The following FRMD5 variants were observed in gnomAD, a reference collection of about 807,000 sequenced individuals.
The protein encoded by FRMD5 is FERM domain-containing protein 5.
A neutral mutation model predicts 69.0 loss-of-function variants in FRMD5; 20 were observed. The observed-to-expected ratio is 0.29, with a 90% CI of 0.20 to 0.42. FRMD5 has a LOEUF of 0.42. FRMD5 is among the 10% of genes least tolerant of loss of function. The pLI, the probability that FRMD5 is intolerant of heterozygous loss-of-function variation, is 1.00. For synonymous variants in FRMD5, 271 were observed against 260.1 expected, an observed-to-expected ratio of 1.04 and a Z score of -0.40; for missense variants, 595 against 708.6, an observed-to-expected ratio of 0.84 and a Z score of 1.82.
chr15:44,001,253 ATTTG>A (rs1286996893), intron 1 of FRMD5, among the ~76,000 whole-genome samples: 4 of 151,842 alleles, frequency 2.6e-5, no homozygotes, highest in African/African-American at 9.7e-5. Context: ...AAATCATGTT[ATTTG>A]TTTTTCTGTT....
At chr15:43,935,516 G>A (rs2089745185) in intron 1 of FRMD5, among the ~76,000 whole-genome samples, 1 of 152,060 alleles carries the variant, frequency 6.6e-6, no homozygotes, top group Non-Finnish European at 1.5e-5. Context: ...AATAATTCTT[G>A]GGCTTGGAAA....
intron 1 of FRMD5, among the ~76,000 whole-genome samples, chr15:43,960,120 G>A (rs998240764): frequency 1.3e-5 from 2 of 151,430 alleles, no homozygotes; most frequent in East Asian, 3.9e-4. Context: ...ACGGAGTCTC[G>A]CTCTGTCGCC....
chr15:43,911,756 C>G (rs1455099989), intron 4 of FRMD5, among the ~76,000 whole-genome samples: 1 of 152,168 alleles, frequency 6.6e-6, no homozygotes, highest in Non-Finnish European at 1.5e-5. Flanking sequence ...TTGACCCCTC[C>G]CTGGACAGTT....
chr15:43,892,191 TATC>T, intron 7 of FRMD5, 122 bp from the exon 8 acceptor site: 1 of 818,556 alleles, frequency 1.2e-6, no homozygotes, highest in Middle Eastern at 2.5e-4. Flanking sequence ...GGGAAAAGCA[TATC>T]ATCTGGAATC....
intron 1 of FRMD5, among the ~76,000 whole-genome samples, chr15:44,131,167 A>T (rs2077092296): frequency 6.6e-6 from 1 of 152,242 alleles, no homozygotes; most frequent in African/African-American, 2.4e-5. Context: ...TCCAAAGAAG[A>T]TCTACAAATA....
chr15:44,047,459 G>A (rs146462950), intron 1 of FRMD5, among the ~76,000 whole-genome samples: 1 of 151,986 alleles, frequency 6.6e-6, no homozygotes, highest in Non-Finnish European at 1.5e-5. Context: ...TAGGCCTGTG[G>A]AAAGTTTTAA....
intron 1 of FRMD5, among the ~76,000 whole-genome samples, chr15:43,963,350 C>T (rs1479954199): frequency 2.0e-5 from 3 of 152,196 alleles, no homozygotes; most frequent in Non-Finnish European, 4.4e-5. Context: ...ATCAAAACCA[C>T]AATGAGATAC....
chr15:43,900,899 G>A (rs571833719), intron 7 of FRMD5, among the ~76,000 whole-genome samples: 2 of 152,252 alleles, frequency 1.3e-5, no homozygotes, highest in South Asian at 4.1e-4. Flanking sequence ...TAACAGGTGT[G>A]AGCCACTGCG....
chr15:44,109,015 T>TAAAATAAAATAAAATAAAATAAAATA (rs1555404818), intron 1 of FRMD5, among the ~76,000 whole-genome samples: 4 of 149,662 alleles, frequency 2.7e-5, no homozygotes, highest in African/African-American at 1.0e-4. Context: ...TAAAATAAAA[T>TAAAATAAAATAAAATAAAATAAAATA]AAAATGTTTG....
intron 1 of FRMD5, among the ~76,000 whole-genome samples, chr15:44,093,187 C>T (rs1013348156): frequency 1.3e-5 from 2 of 152,082 alleles, no homozygotes; most frequent in African/African-American, 4.8e-5. Flanking sequence ...ACCTCAACCT[C>T]CCAAAGCGCT....
chr15:43,975,526 A>G (rs1363197161), intron 1 of FRMD5, among the ~76,000 whole-genome samples: 6 of 152,216 alleles, frequency 3.9e-5, no homozygotes, highest in Non-Finnish European at 7.3e-5. Context: ...CAGCAGTGAA[A>G]CCACAATGAG....
intron 1 of FRMD5, among the ~76,000 whole-genome samples, chr15:43,953,099 G>A (rs1595554835): frequency 6.6e-6 from 1 of 152,298 alleles, no homozygotes; most frequent in East Asian, 1.9e-4. Flanking sequence ...TGTGATAGGA[G>A]CCTTGAGCTG....
At chr15:44,002,335 T>C (rs1168814602) in intron 1 of FRMD5, among the ~76,000 whole-genome samples, 4 of 152,184 alleles carry the variant, frequency 2.6e-5, no homozygotes, top group Non-Finnish European at 4.4e-5. Context: ...TATATCCATT[T>C]CTGTATCTCA....
chr15:43,896,793 A>T (rs982006865), intron 7 of FRMD5, among the ~76,000 whole-genome samples: 1 of 152,138 alleles, frequency 6.6e-6, no homozygotes, highest in Non-Finnish European at 1.5e-5. Flanking sequence ...GACTCAAACT[A>T]ATTCAATTTT....
At chr15:44,163,415 G>C (rs1157343203) in intron 1 of FRMD5, among the ~76,000 whole-genome samples, 1 of 152,124 alleles carries the variant, frequency 6.6e-6, no homozygotes, top group African/African-American at 2.4e-5. Flanking sequence ...AGAGGGGTTG[G>C]GCATTCTAAT....
chr15:43,962,033 T>C (rs2090210813), intron 1 of FRMD5, among the ~76,000 whole-genome samples: 2 of 152,200 alleles, frequency 1.3e-5, no homozygotes, highest in Non-Finnish European at 1.5e-5. Context: ...CTATTCAACA[T>C]AGTGTTGGAA....
chr15:44,106,011 A>G (rs1306796370), intron 1 of FRMD5, among the ~76,000 whole-genome samples: 2 of 152,150 alleles, frequency 1.3e-5, no homozygotes, highest in Non-Finnish European at 2.9e-5. Context: ...ACCTAATACA[A>G]TGTAAATGTA....
chr15:43,989,208 G>C, intron 1 of FRMD5: 1 of 822,784 alleles, frequency 1.2e-6, no homozygotes, highest in Non-Finnish European at 2.2e-6. Flanking sequence ...CAGTGATCTT[G>C]ATCTTCATTG....
chr15:44,103,918 G>T (rs972386629), intron 1 of FRMD5, among the ~76,000 whole-genome samples: 2 of 152,208 alleles, frequency 1.3e-5, no homozygotes, highest in African/African-American at 4.8e-5. Context: ...GATGATGCTG[G>T]TGTAAACAAA....
Sources: gnomAD v4.1 joint callset for allele counts (sites outside exome capture counted in the v4.1 genomes callset) on GRCh38, gnomAD v4.1.1 for gene constraint, MANE v1.5 for transcripts, NCBI Gene and HGNC (gene_info 2026-07-23, HGNC 2026-07-21) for gene names.